LOC400499: variants seen among roughly 807,000 people sequenced by gnomAD.
the LOC400499 span, chr16:11,447,791 G>A: frequency 1.5e-5 from 17 of 1,167,486 alleles, no homozygotes; most frequent in Non-Finnish European, 1.9e-5. Context: ...GCTCTTCTCT[G>A]GGATTTAGGT....
chr16:11,455,083 T>TA, the LOC400499 span, among the ~76,000 whole-genome samples: 1 of 151,998 alleles, frequency 6.6e-6, no homozygotes, highest in Non-Finnish European at 1.5e-5. Flanking sequence ...AGACAAAAAT[T>TA]ATAGAAAACT....
At chr16:11,524,433 G>A in the LOC400499 span, among the ~76,000 whole-genome samples, 1 of 144,486 alleles carries the variant, frequency 6.9e-6, no homozygotes, top group East Asian at 2.1e-4. Context: ...TAACGGTGGA[G>A]CCTTAGGATT....
chr16:11,513,036 C>T, the LOC400499 span, among the ~76,000 whole-genome samples: 27 of 152,342 alleles, frequency 1.8e-4, no homozygotes, highest in African/African-American at 6.5e-4. Flanking sequence ...CCCAGCCCTG[C>T]CTCTCACTCA....
the LOC400499 span, among the ~76,000 whole-genome samples, chr16:11,482,466 C>A: frequency 6.6e-6 from 1 of 152,136 alleles, no homozygotes; most frequent in Non-Finnish European, 1.5e-5. Context: ...GCTCTATCAG[C>A]CAAAGAAACT....
chr16:11,446,124 CAGG>C, the LOC400499 span, among the ~76,000 whole-genome samples: 9 of 151,272 alleles, frequency 5.9e-5, no homozygotes, highest in Admixed American at 3.3e-4. Flanking sequence ...CACACCTGGC[CAGG>C]AGAACTTTTT....
chr16:11,511,200 G>A, the LOC400499 span, among the ~76,000 whole-genome samples: 4 of 152,026 alleles, frequency 2.6e-5, no homozygotes, highest in Admixed American at 6.6e-5. Context: ...GTTTCGTCAC[G>A]TTGCCAGACT....
At chr16:11,377,609 A>C in the LOC400499 span, among the ~76,000 whole-genome samples, 1 of 152,218 alleles carries the variant, frequency 6.6e-6, no homozygotes. Context: ...GATATCTTAC[A>C]TTGATTTTTA....
the LOC400499 span, among the ~76,000 whole-genome samples, chr16:11,375,763 C>G: frequency 7.8e-6 from 1 of 127,804 alleles, no homozygotes. Flanking sequence ...GGAGTTCGCT[C>G]TTGTTGCCCA....
chr16:11,503,801 C>G, the LOC400499 span, among the ~76,000 whole-genome samples: 1 of 152,222 alleles, frequency 6.6e-6, no homozygotes, highest in Non-Finnish European at 1.5e-5. Flanking sequence ...CCGGCAGGAC[C>G]CACAAGCCAG....
At chr16:11,460,984 C>T in the LOC400499 span, 7 of 1,535,358 alleles carry the variant, frequency 4.6e-6, no homozygotes, top group Admixed American at 2.0e-5. Flanking sequence ...GTACTGGATC[C>T]TCAGGGAGTT....
At chr16:11,471,702 CG>C in the LOC400499 span, 1 of 399,130 alleles carries the variant, frequency 2.5e-6, no homozygotes. Context: ...GTCGGAGCCC[CG>C]GGTCCCGTTT....
the LOC400499 span, among the ~76,000 whole-genome samples, chr16:11,375,404 C>G: frequency 9.3e-5 from 13 of 139,698 alleles, 1 homozygote; most frequent in African/African-American, 1.4e-4. Context: ...ACCTCTGCCT[C>G]CCGTGTTCAA....
At chr16:11,518,395 G>A in the LOC400499 span, among the ~76,000 whole-genome samples, 2 of 152,122 alleles carry the variant, frequency 1.3e-5, no homozygotes, top group African/African-American at 4.8e-5. Flanking sequence ...TCCCAGGCTT[G>A]GCTGGGTCAC....
At chr16:11,384,092 C>G in the LOC400499 span, 5 of 1,229,756 alleles carry the variant, frequency 4.1e-6, no homozygotes, top group Admixed American at 4.2e-5. Flanking sequence ...GAGACTTCCC[C>G]CAAACCCTGG....
the LOC400499 span, among the ~76,000 whole-genome samples, chr16:11,481,613 G>A: frequency 2.4e-3 from 353 of 150,020 alleles, 2 homozygotes; most frequent in African/African-American, 8.1e-3. Context: ...ATAAGCCACC[G>A]CGCCCAGCCC....
At chr16:11,463,025 G>C in the LOC400499 span, among the ~76,000 whole-genome samples, 2 of 152,148 alleles carry the variant, frequency 1.3e-5, no homozygotes, top group East Asian at 3.8e-4. Flanking sequence ...TCGAATGATG[G>C]CACACTAGCC....
At chr16:11,462,225 C>G in the LOC400499 span, 1 of 1,534,012 alleles carries the variant, frequency 6.5e-7, no homozygotes, top group Middle Eastern at 1.7e-4. Flanking sequence ...GGGCTGCCCC[C>G]CGTCACCAGT....
At chr16:11,465,766 G>T in the LOC400499 span, among the ~76,000 whole-genome samples, 28 of 147,532 alleles carry the variant, frequency 1.9e-4, no homozygotes, top group Non-Finnish European at 3.3e-4. Flanking sequence ...AAGAGAAGGC[G>T]GGGGGTGGGC....
At chr16:11,485,829 G>A in the LOC400499 span, among the ~76,000 whole-genome samples, 106 of 152,348 alleles carry the variant, frequency 7.0e-4, no homozygotes, top group Non-Finnish European at 1.5e-3. Context: ...ATGGATAATA[G>A]ATGGATGTGT....
Sources: allele counts gnomAD v4.1 joint callset (sites outside exome capture counted in the v4.1 genomes callset), GRCh38; gene constraint gnomAD v4.1.1; transcripts MANE v1.5.